Variants in C1QTNF3 observed in about 807,000 individuals in gnomAD.
C1QTNF3 encodes the protein complement C1q tumor necrosis factor-related protein 3.
Under a neutral mutation model 32.6 loss-of-function variants are expected in C1QTNF3, and 26 were observed. The observed-to-expected ratio is 0.80, with a 90% CI of 0.58 to 1.11. The LOEUF is 1.11. Ranked by LOEUF, C1QTNF3 falls within the 50% of genes least tolerant of loss-of-function variation. C1QTNF3 has a pLI of 0.00. For missense variants in C1QTNF3, 362 were observed against 398.2 expected (o/e 0.91, Z 0.77); for synonymous variants, 155 against 146.0 (o/e 1.06, Z -0.44).
the C1QTNF3 span, among the ~76,000 whole-genome samples, chr5:34,083,915 A>G: frequency 1.3e-5 from 2 of 151,852 alleles, no homozygotes; most frequent in African/African-American, 4.9e-5. Context: ...TATTTCAAAG[A>G]AGTTTCCAAT....
chr5:34,217,598 G>A, the C1QTNF3 span, among the ~76,000 whole-genome samples: 1 of 152,068 alleles, frequency 6.6e-6, no homozygotes, highest in African/African-American at 2.4e-5. Context: ...CATCCCAGAA[G>A]TTTCACACGG....
chr5:34,205,327 A>T, the C1QTNF3 span, among the ~76,000 whole-genome samples: 1 of 152,216 alleles, frequency 6.6e-6, no homozygotes, highest in Non-Finnish European at 1.5e-5. Context: ...CTTAATAGAG[A>T]CATAGATGGT....
the C1QTNF3 span, among the ~76,000 whole-genome samples, chr5:34,218,681 CTT>C: frequency 2.0e-5 from 3 of 152,074 alleles, no homozygotes; most frequent in Admixed American, 6.6e-5. Context: ...ACAGTTTACT[CTT>C]GTTTATGCAC....
the C1QTNF3 span, among the ~76,000 whole-genome samples, chr5:34,052,000 T>C: frequency 6.6e-6 from 1 of 152,194 alleles, no homozygotes; most frequent in Non-Finnish European, 1.5e-5. Context: ...CATGTACTCA[T>C]GGTGGCAGGC....
the C1QTNF3 span, among the ~76,000 whole-genome samples, chr5:34,234,420 C>T: frequency 6.6e-6 from 1 of 152,124 alleles, no homozygotes; most frequent in Non-Finnish European, 1.5e-5. Context: ...AATTTGCACA[C>T]TTCTTTATAT....
chr5:34,042,456 A>G (rs463357), intron 1 of C1QTNF3, among the ~76,000 whole-genome samples: 1 of 152,130 alleles, frequency 6.6e-6, no homozygotes, highest in Non-Finnish European at 1.5e-5. Context: ...AAGAACAACA[A>G]ATGATTGTCT....
At chr5:34,144,999 C>T in the C1QTNF3 span, among the ~76,000 whole-genome samples, 1 of 151,962 alleles carries the variant, frequency 6.6e-6, no homozygotes, top group Non-Finnish European at 1.5e-5. Context: ...CGTGGTGGTG[C>T]GTGCCTGTAA....
At chr5:34,123,857 G>A in the C1QTNF3 span, among the ~76,000 whole-genome samples, 3 of 152,072 alleles carry the variant, frequency 2.0e-5, no homozygotes, top group Admixed American at 6.5e-5. Context: ...AGTGGTATAC[G>A]TATGCGAGTG....
At chr5:34,064,119 T>A in the C1QTNF3 span, among the ~76,000 whole-genome samples, 1 of 152,126 alleles carries the variant, frequency 6.6e-6, no homozygotes, top group Non-Finnish European at 1.5e-5. Flanking sequence ...TAGAAAGCCC[T>A]TCCCCAGACA....
the C1QTNF3 span, among the ~76,000 whole-genome samples, chr5:34,080,051 C>T: frequency 6.6e-6 from 1 of 151,642 alleles, no homozygotes; most frequent in Non-Finnish European, 1.5e-5. Flanking sequence ...AAATTCATCA[C>T]GTTGTATACA....
At chr5:34,228,077 T>C in the C1QTNF3 span, among the ~76,000 whole-genome samples, 1 of 152,094 alleles carries the variant, frequency 6.6e-6, no homozygotes, top group African/African-American at 2.4e-5. Context: ...GGAAAAGTTT[T>C]GTCAATTAAT....
chr5:34,103,814 TTC>T, the C1QTNF3 span, among the ~76,000 whole-genome samples: 2 of 150,498 alleles, frequency 1.3e-5, no homozygotes, highest in South Asian at 4.2e-4. Context: ...AAGAGCAAAA[TTC>T]TGTCTCTAAA....
the C1QTNF3 span, among the ~76,000 whole-genome samples, chr5:34,170,290 A>G: frequency 1.3e-5 from 2 of 152,242 alleles, no homozygotes; most frequent in East Asian, 1.9e-4. Context: ...TTGTGGGGTA[A>G]TGGGAAGTTT....
At chr5:34,175,864 C>T in the C1QTNF3 span, 5 of 798,986 alleles carry the variant, frequency 6.3e-6, no homozygotes, top group Non-Finnish European at 1.1e-5. Flanking sequence ...ATGAGCTCTC[C>T]AACCACGTAT....
the C1QTNF3 span, among the ~76,000 whole-genome samples, chr5:34,196,887 C>T: frequency 6.6e-6 from 1 of 152,298 alleles, no homozygotes; most frequent in Non-Finnish European, 1.5e-5. Flanking sequence ...GTCTCGATCT[C>T]CTGACCTAAT....
At chr5:34,065,157 ATATC>A in the C1QTNF3 span, among the ~76,000 whole-genome samples, 2,163 of 152,332 alleles carry the variant, frequency 0.014, 18 homozygotes, top group Middle Eastern at 0.034. Context: ...CGAAGGACTA[ATATC>A]TAGAATCTGT....
chr5:34,028,921 A>G (rs144863962), intron 3 of C1QTNF3, 38 bp from the exon 4 acceptor site: 4 of 1,586,976 alleles, frequency 2.5e-6, no homozygotes, highest in African/African-American at 2.7e-5. Flanking sequence ...TAGGCAATTT[A>G]TCTTAAAGAA....
upstream of C1QTNF3, among the ~76,000 whole-genome samples, chr5:34,044,501 G>C (rs1754950588): frequency 6.6e-6 from 1 of 152,068 alleles, no homozygotes; most frequent in Non-Finnish European, 1.5e-5. Context: ...GGGGAGAGGA[G>C]AGAGAGCTGT....
chr5:34,092,679 G>A, the C1QTNF3 span, among the ~76,000 whole-genome samples: 1 of 151,668 alleles, frequency 6.6e-6, no homozygotes, highest in South Asian at 2.1e-4. Context: ...TATATTTCAG[G>A]TATGAAAGCA....
Sources: gnomAD v4.1 joint callset for allele counts (sites outside exome capture counted in the v4.1 genomes callset) on GRCh38, gnomAD v4.1.1 for gene constraint, MANE v1.5 for transcripts, NCBI Gene and HGNC (gene_info 2026-07-23, HGNC 2026-07-21) for gene names.